SEL1L2: variants seen among roughly 807,000 people sequenced by gnomAD.
SEL1L2 encodes the protein SEL1L2 adaptor subunit of SYVN1 ubiquitin ligase.
In SEL1L2, 89 loss-of-function variants were observed where a neutral mutation model predicts 98.8. That is an observed-to-expected ratio of 0.90 (90% CI 0.76 to 1.07). SEL1L2 has a LOEUF of 1.07. Ranked by LOEUF, SEL1L2 falls within the 50% of genes least tolerant of loss-of-function variation. The pLI, the probability that SEL1L2 is intolerant of heterozygous loss-of-function variation, is 0.00. For synonymous variants in SEL1L2, 262 were observed against 278.5 expected (o/e 0.94, Z 0.59); for missense variants, 788 against 812.0 (o/e 0.97, Z 0.36).
At position 13,947,576 on chromosome 20, in the gene SEL1L2, G is replaced by A. The variant is rs532264313; in HGVS notation, c.114+8500C>T. On this transcript the variant is annotated intron_variant, in intron 2 of 19. Coordinates refer to ENST00000284951, the MANE Select transcript of SEL1L2 (RefSeq NM_025229.2). ...AAGAACTTGGGACCCGCTGAATGGT[G>A]GAATTGAAAGAGCTGTAACACAAAA... Among the ~76,000 whole-genome samples the A allele has an allele frequency of 5.5e-5, 8 of 144,476 alleles. No individual in the cohort carries two copies. In the East Asian group the frequency reaches 1.4e-3, roughly 26 times the overall value. 94.8% of individuals were successfully genotyped at this position (144,476 alleles called of 152,430 possible). A position where few individuals can be genotyped will look rare whatever the true frequency, so the allele number is the denominator to read the frequency against.
chr20:13,962,131 T>C (rs1035240320), intron 1 of SEL1L2, among the ~76,000 whole-genome samples: 2 of 152,098 alleles, frequency 1.3e-5, no homozygotes, highest in African/African-American at 4.8e-5. Flanking sequence ...GAAAGAGACA[T>C]GAATCGTTGA....
At chr20:13,910,441 T>C (rs2048164277) in intron 5 of SEL1L2, among the ~76,000 whole-genome samples, 1 of 152,178 alleles carries the variant, frequency 6.6e-6, no homozygotes. Context: ...TCTTCAGAGA[T>C]ACTAAAAGAA....
At chr20:13,849,897 A>G in intron 19 of SEL1L2, 1 of 543,096 alleles carries the variant, frequency 1.8e-6, no homozygotes, top group South Asian at 2.2e-5. Context: ...TGATGGTAAG[A>G]ACTGTTTTGA....
intron 3 of SEL1L2, among the ~76,000 whole-genome samples, chr20:13,921,873 T>G (rs1473033429): frequency 6.6e-6 from 1 of 152,060 alleles, no homozygotes; most frequent in Non-Finnish European, 1.5e-5. Context: ...AGATACCAAC[T>G]ATATAGCCTT....
intron 1 of SEL1L2, among the ~76,000 whole-genome samples, chr20:13,988,489 G>A (rs1162423210): frequency 1.3e-5 from 2 of 152,146 alleles, no homozygotes; most frequent in African/African-American, 4.8e-5. Context: ...TTGATGATAA[G>A]TGTGATAGTT....
chr20:13,857,570 C>A (rs1412293374), intron 18 of SEL1L2, among the ~76,000 whole-genome samples: 4 of 152,232 alleles, frequency 2.6e-5, no homozygotes, highest in African/African-American at 4.8e-5. Context: ...AAAATGGCCT[C>A]ACCTAGGTGC....
chr20:13,937,635 C>A (rs2049521567), intron 2 of SEL1L2, among the ~76,000 whole-genome samples: 1 of 152,188 alleles, frequency 6.6e-6, no homozygotes, highest in Admixed American at 6.5e-5. Context: ...GAGCAAAATT[C>A]TGCAACAGTA....
At chr20:13,852,464 C>T (rs1988423924) in intron 18 of SEL1L2, among the ~76,000 whole-genome samples, 1 of 152,070 alleles carries the variant, frequency 6.6e-6, no homozygotes, top group African/African-American at 2.4e-5. Flanking sequence ...AGAAAAGACT[C>T]CTCATTCTTT....
At chr20:13,858,307 G>A (rs1054380308) in intron 18 of SEL1L2, among the ~76,000 whole-genome samples, 2 of 151,994 alleles carry the variant, frequency 1.3e-5, no homozygotes, top group South Asian at 2.1e-4. Flanking sequence ...CTCTAGAAAC[G>A]CAGCCAGGAA....
chr20:13,899,444 A>G (rs1199832346), intron 5 of SEL1L2, among the ~76,000 whole-genome samples: 1 of 152,182 alleles, frequency 6.6e-6, no homozygotes, highest in East Asian at 1.9e-4. Context: ...TCTTAGCATA[A>G]TAATAAAATT....
intron 1 of SEL1L2, among the ~76,000 whole-genome samples, chr20:13,987,312 T>G (rs1167880569): frequency 2.8e-4 from 4 of 14,482 alleles, no homozygotes; most frequent in Non-Finnish European, 4.3e-4. Context: ...TAATTTACTG[T>G]TTTTTTTTTT....
At chr20:13,968,986 T>C (rs1310078617) in intron 1 of SEL1L2, among the ~76,000 whole-genome samples, 1 of 152,200 alleles carries the variant, frequency 6.6e-6, no homozygotes, top group African/African-American at 2.4e-5. Context: ...GCTTTGTTAA[T>C]GGTGATTTTA....
At chr20:13,995,200 C>A (rs1163951857), upstream of SEL1L2, 2 of 171,024 alleles carry the variant, frequency 1.2e-5, no homozygotes, top group African/African-American at 2.4e-5. The surrounding 1 kb of genome is among the most constrained non-coding windows in gnomAD (Gnocchi z 4.3). Context: ...AAGAGGCCAG[C>A]GGTAAGCGCG....
intron 12 of SEL1L2, among the ~76,000 whole-genome samples, chr20:13,871,681 T>A (rs2046201884): frequency 6.6e-6 from 1 of 152,056 alleles, no homozygotes; most frequent in South Asian, 2.1e-4. Flanking sequence ...CCAGCTGTTT[T>A]TCGTATTTTT....
intron 19 of SEL1L2, 196 bp downstream of exon 19, chr20:13,849,995 T>G (rs1987955130): frequency 3.3e-6 from 2 of 606,398 alleles, no homozygotes; most frequent in South Asian, 4.0e-5. Context: ...AATTAATTGC[T>G]TATACTCTGA....
intron 18 of SEL1L2, among the ~76,000 whole-genome samples, chr20:13,858,125 A>G (rs917927635): frequency 3.3e-5 from 5 of 152,152 alleles, no homozygotes; most frequent in African/African-American, 1.2e-4. Flanking sequence ...GGCAGGCTGC[A>G]GGGGAGGACA....
chr20:13,917,746 T>C (rs1425261524), intron 4 of SEL1L2, among the ~76,000 whole-genome samples: 1 of 151,070 alleles, frequency 6.6e-6, no homozygotes, highest in African/African-American at 2.4e-5. Context: ...TGTCTCCTTG[T>C]TGGGGGCTCA....
chr20:13,980,864 C>T (rs1414966550), intron 1 of SEL1L2, among the ~76,000 whole-genome samples: 1 of 152,102 alleles, frequency 6.6e-6, no homozygotes, highest in Non-Finnish European at 1.5e-5. Flanking sequence ...GTACATTATA[C>T]TAAATGAAAT....
chr20:13,951,276 C>CAAAAA (rs764034768), intron 2 of SEL1L2, among the ~76,000 whole-genome samples: 38 of 25,414 alleles, frequency 1.5e-3, no homozygotes, highest in African/African-American at 2.3e-3. Context: ...GACTCCGTCT[C>CAAAAA]AAAAAAAAAA....
Sources: gnomAD v4.1 joint callset for allele counts (sites outside exome capture counted in the v4.1 genomes callset) on GRCh38, gnomAD v4.1.1 for gene constraint, Gnocchi (gnomAD v3.1) non-coding constraint, MANE v1.5 for transcripts, NCBI Gene and HGNC (gene_info 2026-07-23, HGNC 2026-07-21) for gene names.